ROBO2: variants seen among roughly 807,000 people sequenced by gnomAD.
ROBO2 encodes the protein roundabout homolog 2.
In ROBO2, 53 loss-of-function variants were observed where a neutral mutation model predicts 160.8. That is an observed-to-expected ratio of 0.33 (90% CI 0.26 to 0.41). The LOEUF is 0.41. ROBO2 is among the 10% of genes least tolerant of loss of function. The pLI is 1.00. For synonymous variants in ROBO2, 664 were observed against 611.7 expected (o/e 1.09, Z -1.26); for missense variants, 1,577 against 1,722.4 (o/e 0.92, Z 1.49).
At chr3:76,220,847 G>T (rs1703919564) in intron 2 of ROBO2, among the ~76,000 whole-genome samples, 2 of 152,112 alleles carry the variant, frequency 1.3e-5, no homozygotes, top group South Asian at 4.1e-4. Flanking sequence ...ATCATAGCTG[G>T]TATTTGTAAC....
intron 2 of ROBO2, among the ~76,000 whole-genome samples, chr3:76,162,522 A>G (rs1391631853): frequency 6.6e-6 from 1 of 152,078 alleles, no homozygotes; most frequent in African/African-American, 2.4e-5. Context: ...TATGTTGCCC[A>G]GGTTAATATC....
chr3:77,021,029 A>T (rs1335080568), intron 2 of ROBO2, among the ~76,000 whole-genome samples: 3 of 151,956 alleles, frequency 2.0e-5, no homozygotes, highest in Non-Finnish European at 2.9e-5. Context: ...ACATAGTGAG[A>T]CCTCATCTCT....
intron 2 of ROBO2, among the ~76,000 whole-genome samples, chr3:76,910,644 T>G (rs2075916997): frequency 6.9e-6 from 1 of 145,264 alleles, no homozygotes; most frequent in Non-Finnish European, 1.5e-5. Flanking sequence ...GAGAATCGCT[T>G]GAACCCAGCA....
intron 2 of ROBO2, among the ~76,000 whole-genome samples, chr3:77,383,850 T>C (rs1186848171): frequency 2.0e-5 from 3 of 152,174 alleles, no homozygotes; most frequent in African/African-American, 7.2e-5. Flanking sequence ...TAGAGGTTTA[T>C]CACTTTAGTT....
At chr3:76,128,193 C>A (rs2106644708) in intron 2 of ROBO2, among the ~76,000 whole-genome samples, 2 of 152,212 alleles carry the variant, frequency 1.3e-5, no homozygotes, top group South Asian at 4.1e-4. Flanking sequence ...CGCACCCCAC[C>A]TGAAGAATGT....
chr3:76,710,505 C>T (rs141566380), intron 2 of ROBO2, among the ~76,000 whole-genome samples: 2 of 152,248 alleles, frequency 1.3e-5, no homozygotes, highest in East Asian at 3.9e-4. Context: ...ATTTGTTTGG[C>T]CAATTTCCAA....
chr3:76,575,463 A>C (rs971399872), intron 2 of ROBO2, among the ~76,000 whole-genome samples: 3 of 152,046 alleles, frequency 2.0e-5, no homozygotes, highest in African/African-American at 7.2e-5. Context: ...TCACCATGCT[A>C]ATTATACGGT....
chr3:77,634,365 T>C, intron 23 of ROBO2: 1 of 178,662 alleles, frequency 5.6e-6, no homozygotes, highest in Non-Finnish European at 1.2e-5. Context: ...AATATATGTG[T>C]CTGAGCAGAC....
intron 2 of ROBO2, among the ~76,000 whole-genome samples, chr3:75,951,821 C>A (rs1283979436): frequency 6.6e-6 from 1 of 151,878 alleles, no homozygotes; most frequent in African/African-American, 2.4e-5. Flanking sequence ...ATGTCCAAAT[C>A]TTTTTTTGAA....
chr3:76,410,037 T>G (rs556125767), intron 2 of ROBO2, among the ~76,000 whole-genome samples: 1 of 152,184 alleles, frequency 6.6e-6, no homozygotes, highest in African/African-American at 2.4e-5. Flanking sequence ...AAGGCAAAAT[T>G]TTTGTTTTCG....
intron 2 of ROBO2, among the ~76,000 whole-genome samples, chr3:76,940,479 C>T (rs2078109947): frequency 6.6e-6 from 1 of 152,174 alleles, no homozygotes; most frequent in Non-Finnish European, 1.5e-5. Context: ...ATTTATCTGC[C>T]TGTTTCATTG....
At chr3:76,424,217 T>C (rs1238360584) in intron 2 of ROBO2, among the ~76,000 whole-genome samples, 13 of 152,198 alleles carry the variant, frequency 8.5e-5, no homozygotes, top group Admixed American at 5.9e-4. Flanking sequence ...TCAATACTTA[T>C]ACGTTTAAAT....
At chr3:77,570,882 A>C (rs1109413) in intron 13 of ROBO2, among the ~76,000 whole-genome samples, 21,155 of 151,982 alleles carry the variant, frequency 0.14, 1,633 homozygotes, top group South Asian at 0.18. Flanking sequence ...CCAAAGGCAC[A>C]AGACATAACT....
chr3:76,028,606 G>GA (rs1488972038), intron 2 of ROBO2, among the ~76,000 whole-genome samples: 1 of 151,782 alleles, frequency 6.6e-6, no homozygotes, highest in African/African-American at 2.4e-5. Flanking sequence ...AAATCTTCAG[G>GA]AAAATGCAAT....
intron 2 of ROBO2, among the ~76,000 whole-genome samples, chr3:76,824,692 A>C (rs1386311749): frequency 6.6e-6 from 1 of 152,104 alleles, no homozygotes; most frequent in African/African-American, 2.4e-5. Context: ...GATTTTACAC[A>C]CTAAGGGGTA....
At chr3:76,608,680 GT>G (rs1054479875) in intron 2 of ROBO2, among the ~76,000 whole-genome samples, 2 of 151,910 alleles carry the variant, frequency 1.3e-5, no homozygotes, top group Non-Finnish European at 2.9e-5. Context: ...TTCCCAATGT[GT>G]TTTTTTAGAA....
intron 2 of ROBO2, among the ~76,000 whole-genome samples, chr3:77,277,212 C>CTTTCTTTCTTTCTTTCTTCT (rs762489739): frequency 7.5e-5 from 6 of 80,084 alleles, no homozygotes; most frequent in African/African-American, 3.0e-4. Flanking sequence ...TTCTTTCTTT[C>CTTTCTTTCTTTCTTTCTTCT]TTCTTTCTTT....
chr3:76,704,625 G>A (rs2093120956), intron 2 of ROBO2, among the ~76,000 whole-genome samples: 1 of 152,068 alleles, frequency 6.6e-6, no homozygotes, highest in Admixed American at 6.6e-5. Context: ...TTCCATGCTT[G>A]GGTCCTAGGG....
At chr3:76,647,454 G>A (rs1342459014) in intron 2 of ROBO2, among the ~76,000 whole-genome samples, 4 of 152,196 alleles carry the variant, frequency 2.6e-5, no homozygotes, top group Admixed American at 6.5e-5. Context: ...AGCCGGATAT[G>A]GAAAGTTGTG....
Sources: allele counts gnomAD v4.1 joint callset (sites outside exome capture counted in the v4.1 genomes callset), GRCh38; gene constraint gnomAD v4.1.1; transcripts MANE v1.5; gene names NCBI Gene and HGNC (gene_info 2026-07-23, HGNC 2026-07-21).